The following BRINP2 variants were observed in gnomAD, a reference collection of about 807,000 sequenced individuals.
BRINP2 encodes BMP/retinoic acid inducible neural specific 2, also known as BMP/retinoic acid-inducible neural-specific protein 2.
Under a neutral mutation model 69.2 loss-of-function variants are expected in BRINP2, and 21 were observed. The ratio of observed to expected loss-of-function variants is 0.30; its 90% CI spans 0.22 to 0.44. BRINP2 has a LOEUF of 0.44. Among genes scored for constraint, BRINP2 ranks in the 20% least tolerant of loss-of-function variants. The pLI, the probability that BRINP2 is intolerant of heterozygous loss-of-function variation, is 1.00. For missense variants in BRINP2, 877 were observed against 986.0 expected (o/e 0.89, Z 1.48); for synonymous variants, 380 against 394.1 (o/e 0.96, Z 0.42).
At chr1:177,211,809 A>T (rs1236584532) in intron 1 of BRINP2, among the ~76,000 whole-genome samples, 1 of 152,198 alleles carries the variant, frequency 6.6e-6, no homozygotes, top group Non-Finnish European at 1.5e-5. Context: ...TGTTTTGAAG[A>T]AATACTTTAA....
intron 2 of BRINP2, among the ~76,000 whole-genome samples, chr1:177,253,287 C>G (rs1468842710): frequency 6.6e-6 from 1 of 151,860 alleles, no homozygotes; most frequent in Non-Finnish European, 1.5e-5. Context: ...TTTGTATTTC[C>G]CTGATGATTA....
chr1:177,249,971 G>T (rs1428014156), intron 2 of BRINP2, among the ~76,000 whole-genome samples: 4 of 152,238 alleles, frequency 2.6e-5, no homozygotes, highest in Non-Finnish European at 5.9e-5. Context: ...AGCCCCTAGA[G>T]TCTGAACCTT....
chr1:177,193,934 T>C (rs1459808902), intron 1 of BRINP2, among the ~76,000 whole-genome samples: 1 of 152,250 alleles, frequency 6.6e-6, no homozygotes, highest in Non-Finnish European at 1.5e-5. Context: ...GAGACGGACT[T>C]GCTCAAGGTC....
rs532589276 is a variant in BRINP2, at chr1:177,171,237, C to A, written c.-572C>A. On this transcript the variant is annotated 5_prime_UTR_variant, in exon 1 of 8. Transcript: ENST00000361539. The stretch of plus-strand genomic sequence containing the variant: ...AAGGCAGTGATTTCGGGTGAGAGAG[C>A]GGGTGGGTGAGTCTCTTTAGAGTTG... Among the ~76,000 whole-genome samples, 2 of 152,304 alleles carry A rather than the reference C, an allele frequency of 1.3e-5. No homozygotes were observed. Among genetic ancestry groups the A allele is most frequent in the East Asian group, 3.9e-4 (2 of 5,152 alleles).
chr1:177,254,378 GCACACA>G (rs71565492), intron 2 of BRINP2, among the ~76,000 whole-genome samples: 11,439 of 143,956 alleles, frequency 0.079, 553 homozygotes, highest in Non-Finnish European at 0.11. Flanking sequence ...AAGCACACAT[GCACACA>G]CACACACACA....
chr1:177,267,648 A>G (rs1651170693), intron 4 of BRINP2, among the ~76,000 whole-genome samples: 1 of 152,166 alleles, frequency 6.6e-6, no homozygotes, highest in Non-Finnish European at 1.5e-5. Flanking sequence ...TTCTCTTGAG[A>G]AAGAATCTGG....
At chr1:177,189,683 T>C (rs1648531674) in intron 1 of BRINP2, among the ~76,000 whole-genome samples, 1 of 152,200 alleles carries the variant, frequency 6.6e-6, no homozygotes, top group Non-Finnish European at 1.5e-5. Context: ...GTAACATTGA[T>C]AATTACTTTA....
chr1:177,215,277 A>G (rs964049787), intron 1 of BRINP2, among the ~76,000 whole-genome samples: 2 of 152,276 alleles, frequency 1.3e-5, no homozygotes, highest in Middle Eastern at 3.4e-3. Flanking sequence ...TGTTTTTTCT[A>G]TATCTATGAA....
chr1:177,234,742 G>C (rs1425619927), intron 2 of BRINP2, among the ~76,000 whole-genome samples: 3 of 152,100 alleles, frequency 2.0e-5, no homozygotes, highest in African/African-American at 7.2e-5. Context: ...TTTTGGAAAG[G>C]GATGGTCTGG....
At chr1:177,219,822 T>G (rs1040096203) in intron 1 of BRINP2, among the ~76,000 whole-genome samples, 3 of 152,212 alleles carry the variant, frequency 2.0e-5, no homozygotes, top group African/African-American at 7.2e-5. Flanking sequence ...TCTCTGTGAT[T>G]GGCTTGGGTT....
chr1:177,257,544 C>T (rs1182693491), intron 4 of BRINP2, among the ~76,000 whole-genome samples, 160 bp downstream of exon 4: 1 of 152,140 alleles, frequency 6.6e-6, no homozygotes, highest in East Asian at 1.9e-4. Flanking sequence ...ACGATGGGGT[C>T]ATTCATTCCA....
chr1:177,214,582 A>T (rs533226792), intron 1 of BRINP2, among the ~76,000 whole-genome samples: 2 of 152,310 alleles, frequency 1.3e-5, no homozygotes, highest in Non-Finnish European at 2.9e-5. Flanking sequence ...AGTACCCTTC[A>T]TTTGGCACCA....
rs372764164 is a variant in BRINP2, at chr1:177,182,638, C to A, written c.-77+10906C>A. Among the ~76,000 whole-genome samples the A allele has an allele frequency of 3.3e-5, 5 of 152,270 alleles. No individual in the cohort carries two copies. The East Asian group carries it at 7.7e-4, about 24-fold the overall frequency. On this transcript the variant is annotated intron_variant, in intron 1 of 7. Transcript: ENST00000361539. Reference sequence around the variant, plus strand: ...GAAACCTGGTGCCGCAATATCATGTCTTTAGAAGTTTCGATGGTTTTTTTT... The same window carrying A: ...GAAACCTGGTGCCGCAATATCATGTATTTAGAAGTTTCGATGGTTTTTTTT...
At chr1:177,179,619 A>T (rs1648191249) in intron 1 of BRINP2, among the ~76,000 whole-genome samples, 1 of 145,534 alleles carries the variant, frequency 6.9e-6, no homozygotes, top group African/African-American at 2.6e-5. Flanking sequence ...ACACACACAC[A>T]CCTGTTTTGC....
At chr1:177,266,255 A>C (rs1241410066) in intron 4 of BRINP2, among the ~76,000 whole-genome samples, 1 of 152,162 alleles carries the variant, frequency 6.6e-6, no homozygotes, top group East Asian at 1.9e-4. Flanking sequence ...ATTTTTAACA[A>C]GTCCTTTGGT....
At chr1:177,219,989 A>G (rs894638530) in intron 1 of BRINP2, among the ~76,000 whole-genome samples, 1 of 152,194 alleles carries the variant, frequency 6.6e-6, no homozygotes. Context: ...TCAACAAGGG[A>G]TTGAAGTAGA....
intron 4 of BRINP2, among the ~76,000 whole-genome samples, chr1:177,271,046 T>C (rs536054782): frequency 6.6e-6 from 1 of 152,170 alleles, no homozygotes; most frequent in Admixed American, 6.5e-5. Flanking sequence ...GCCAGAACAC[T>C]GGGGTTGTTT....
chr1:177,273,341 AC>A, intron 4 of BRINP2, 146 bp from the exon 5 acceptor site: 1 of 479,646 alleles, frequency 2.1e-6, no homozygotes, highest in Non-Finnish European at 3.7e-6. Flanking sequence ...GTGACTTTAT[AC>A]CTCTGGAGTA....
chr1:177,194,540 G>A (rs1648684294), intron 1 of BRINP2, among the ~76,000 whole-genome samples: 1 of 152,184 alleles, frequency 6.6e-6, no homozygotes, highest in Admixed American at 6.5e-5. Flanking sequence ...TATCAGGAAT[G>A]GGAATGAGAT....
Sources: allele counts gnomAD v4.1 joint callset (sites outside exome capture counted in the v4.1 genomes callset), GRCh38; gene constraint gnomAD v4.1.1; transcripts MANE v1.5; gene names NCBI Gene and HGNC (gene_info 2026-07-23, HGNC 2026-07-21).